TGM4: variants seen among roughly 807,000 people sequenced by gnomAD.
The protein encoded by TGM4 is transglutaminase 4.
In TGM4, 61 loss-of-function variants were observed where a neutral mutation model predicts 76.3. The observed-to-expected ratio is 0.80, with a 90% CI of 0.65 to 0.99. TGM4 has a LOEUF of 0.99. Among genes scored for constraint, TGM4 ranks in the 50% least tolerant of loss-of-function variants. The pLI is 0.00. For synonymous variants in TGM4, 337 were observed against 329.8 expected, an observed-to-expected ratio of 1.02 and a Z score of -0.24; for missense variants, 794 against 843.2, an observed-to-expected ratio of 0.94 and a Z score of 0.72.
At chr3:44,885,182 A>G (rs1699584963) in intron 1 of TGM4, 143 bp from the exon 2 acceptor site, 2 of 776,404 alleles carry the variant, frequency 2.6e-6, no homozygotes, top group Admixed American at 5.8e-5. Context: ...CAGATTCATA[A>G]CCAGCTGGAG....
chr3:44,893,878 T>A (rs891185306), intron 5 of TGM4, among the ~76,000 whole-genome samples, 183 bp downstream of exon 5: 3 of 150,126 alleles, frequency 2.0e-5, no homozygotes, highest in African/African-American at 7.4e-5. Context: ...TGGGGTGGAG[T>A]CCTGGGCAGA....
rs756522730 is a variant in TGM4, at chr3:44,887,692, C to T, written c.197C>T (p.Pro66Leu). Residue 66 changes from proline to leucine, a missense_variant, in exon 3 of 14, where the codon CCG becomes CTG. Physicochemically the swap from Pro to Leu is moderately conservative, Grantham distance 98. Coordinates refer to ENST00000296125, the MANE Select transcript of TGM4 (RefSeq NM_003241.4). ...HQLKLEFSTG[P>L]NPSIAKHTLV... Reference sequence around the variant, plus strand: ...GTTTTCCTTTGGGTGTCTCCAGGGCCGAATCCTAGCATCGCCAAACACACC... The same window carrying T: ...GTTTTCCTTTGGGTGTCTCCAGGGCTGAATCCTAGCATCGCCAAACACACC... The T allele has an allele frequency of 1.9e-5, 30 of 1,613,502 alleles. No individual in the cohort carries two copies. Among genetic ancestry groups the T allele is most frequent in the Admixed American group, 1.5e-4 (9 of 59,976 alleles).
intron 5 of TGM4, 49 bp downstream of exon 5, chr3:44,893,744 A>G (rs1575718525): frequency 6.6e-7 from 1 of 1,505,540 alleles, no homozygotes; most frequent in Admixed American, 1.7e-5. Flanking sequence ...CTGCTAGACC[A>G]CCCTTTTAGC....
chr3:44,906,968 A>C lies in TGM4; in HGVS notation c.1095A>C (p.Pro365=). The C allele has an allele frequency of 1.2e-6, 2 of 1,613,996 alleles. No homozygotes were observed. Among genetic ancestry groups the C allele is most frequent in the Non-Finnish European group, 1.7e-6 (2 of 1,179,994 alleles). Residue 365 remains proline, a synonymous_variant, in exon 10 of 14, where the codon CCA becomes CCC. Coordinates refer to ENST00000296125, the MANE Select transcript of TGM4 (RefSeq NM_003241.4). The stretch of plus-strand genomic sequence containing the variant: ...CCTCAGGTGTCTTCTGCTGTGGGCC[A>C]TCACCACTGACCGCCATCCGCAAAG... The part of the protein sequence containing the change: ...ERSQGVFCCG[P]SPLTAIRKGD...
intron 1 of TGM4, among the ~76,000 whole-genome samples, chr3:44,882,519 T>C (rs572095870): frequency 2.2e-4 from 34 of 152,332 alleles, no homozygotes; most frequent in African/African-American, 8.2e-4. Context: ...TGCAGAAGCC[T>C]CCAGTGGAGA....
chr3:44,877,290 A>G (rs950379587), intron 1 of TGM4, among the ~76,000 whole-genome samples: 22 of 152,288 alleles, frequency 1.4e-4, no homozygotes, highest in African/African-American at 4.6e-4. Context: ...CTACTAAAAA[A>G]TACAAAAATT....
Position 44,896,768 on chromosome 3 carries a change from C to G in TGM4, c.609C>G (p.Pro203=), listed in dbSNP as rs1699784152. ...ISLLTESSLK[P]TDRRDPVLVC... is the part of the protein sequence containing the mutation. ...TGCTGACTGAGAGCTCCCTCAAGCC[C>G]ACAGATAGGAGGGACCCCGTGCTGG... Residue 203 remains proline, a synonymous_variant, in exon 6 of 14, where the codon CCC becomes CCG. Coordinates refer to ENST00000296125, the MANE Select transcript of TGM4 (RefSeq NM_003241.4). 6.2e-7 allele frequency: 1 copy of G among 1,614,124 alleles called. No homozygotes were observed. The highest frequency in any genetic ancestry group is 8.5e-7 in the Non-Finnish European group (1 of 1,180,024).
chr3:44,913,917 C>A lies in TGM4; in HGVS notation c.*192C>A. 1.6e-6 allele frequency: 1 copy of A among 640,164 alleles called. No individual in the cohort carries two copies. The highest frequency in any genetic ancestry group is 2.5e-6 in the Non-Finnish European group (1 of 398,136). 39.7% of individuals were successfully genotyped at this position (640,164 alleles called of 1,614,324 possible). A position where few individuals can be genotyped will look rare whatever the true frequency, so the allele number is the denominator to read the frequency against. ...AGGTCCTGTGCTATCACAGGGTCACCTCTTTTACAGTTAGAAACACCAGCC... is the reference window on the plus strand; with the variant it reads ...AGGTCCTGTGCTATCACAGGGTCACATCTTTTACAGTTAGAAACACCAGCC... On this transcript the variant is annotated 3_prime_UTR_variant, in exon 14 of 14. Transcript: ENST00000296125.
chr3:44,914,416 C>T lies in TGM4; in HGVS notation c.*691C>T, dbSNP rs1700055245. ...CTCTTCCCTTATTCTAAAGCTGCCC[C>T]TTGGGAGACTCCAGGGAGAAGGCAT... is the stretch of plus-strand genomic sequence containing the variant. On this transcript the variant is annotated 3_prime_UTR_variant, in exon 14 of 14. Coordinates refer to ENST00000296125, the MANE Select transcript of TGM4 (RefSeq NM_003241.4). 6.6e-6 allele frequency: 1 copy of T among 152,216 alleles called. No homozygotes were observed. The highest frequency in any genetic ancestry group is 1.5e-5 in the Non-Finnish European group (1 of 68,106). The allele number at this position is 152,216 out of a possible 1,614,324, so 9.4% of individuals were successfully genotyped here. A position where few individuals can be genotyped will look rare whatever the true frequency, so the allele number is the denominator to read the frequency against.
Position 44,903,969 on chromosome 3 carries a change from C to T in TGM4, c.1057C>T (p.Pro353Ser), listed in dbSNP as rs17850130. ...YDGWQAVDAT[P>S]QERSQGVFCC... ...CGGCTGGCAGGCTGTGGACGCAACG[C>T]CGCAGGAGCGAAGCCAGGGTGAGTG... The change falls in exon 9 of 14, where the codon CCG (proline) becomes TCG (serine). Residue 353 changes from proline to serine, a missense_variant. Physicochemically the swap from Pro to Ser is moderately conservative, Grantham distance 74. Transcript: ENST00000296125. The T allele has an allele frequency of 3.7e-6, 6 of 1,614,030 alleles. No homozygotes were observed. The highest frequency in any genetic ancestry group is 1.7e-4 in the Middle Eastern group (1 of 6,060).
intron 8 of TGM4, 110 bp from the exon 9 acceptor site, chr3:44,903,774 A>C (rs1472112542): frequency 9.9e-7 from 1 of 1,013,054 alleles, no homozygotes; most frequent in Non-Finnish European, 1.6e-6. Flanking sequence ...CCCTGAGAAC[A>C]ACCTCAGTGG....
Position 44,913,872 on chromosome 3 carries a change from G to A in TGM4, c.*147G>A. Reference sequence around the variant, plus strand: ...GTCAAAAAGGCCAACACAACCATAAGCAGCCAGACCCACAAGGCCAGGTCC... The same window carrying A: ...GTCAAAAAGGCCAACACAACCATAAACAGCCAGACCCACAAGGCCAGGTCC... On this transcript the variant is annotated 3_prime_UTR_variant, in exon 14 of 14. Coordinates refer to ENST00000296125, the MANE Select transcript of TGM4 (RefSeq NM_003241.4). 5 of 1,135,636 alleles carry A rather than the reference G, an allele frequency of 4.4e-6. No homozygotes were observed. The highest frequency in any genetic ancestry group is 6.2e-6 in the Non-Finnish European group (5 of 807,722). 70.3% of individuals were successfully genotyped at this position (1,135,636 alleles called of 1,614,324 possible).
At chr3:44,906,888 G>T (rs1699928236) in intron 9 of TGM4, 61 bp from the exon 10 acceptor site, 1 of 1,588,882 alleles carries the variant, frequency 6.3e-7, no homozygotes, top group African/African-American at 1.3e-5. Flanking sequence ...GCTGCCACTG[G>T]GTCCAGGCTG....
At chr3:44,892,148 C>T (rs1167650581) in intron 4 of TGM4, among the ~76,000 whole-genome samples, 2 of 151,250 alleles carry the variant, frequency 1.3e-5, no homozygotes, top group Non-Finnish European at 3.0e-5. Context: ...ATCCCAGCTA[C>T]TTGGGAGGCT....
Position 44,885,322 on chromosome 3 carries a change from C to T in TGM4, c.20-3C>T. ...CTTTCCACATGTGCTGCGTTGCTGA[C>T]AGAGCTGCAAGTTCTCCACATTGAC... On this transcript the variant is annotated splice_polypyrimidine_tract_variant and splice_region_variant and intron_variant, in intron 1 of 13. Coordinates refer to ENST00000296125, the MANE Select transcript of TGM4 (RefSeq NM_003241.4). The T allele has an allele frequency of 6.2e-7, 1 of 1,602,334 alleles. No homozygotes were observed.
intron 12 of TGM4, 25 bp from the exon 13 acceptor site, chr3:44,911,245 A>G: frequency 6.2e-7 from 1 of 1,613,666 alleles, no homozygotes; most frequent in Non-Finnish European, 8.5e-7. Flanking sequence ...TTCTCTCCCC[A>G]TCTCTCCTCC....
chr3:44,890,528 C>A, intron 3 of TGM4, 75 bp from the exon 4 acceptor site: 2 of 1,573,452 alleles, frequency 1.3e-6, no homozygotes, highest in East Asian at 4.5e-5. Context: ...CTGACGGATT[C>A]TTCTGGGAAG....
At chr3:44,878,949 A>G (rs1384951296) in intron 1 of TGM4, among the ~76,000 whole-genome samples, 1 of 150,956 alleles carries the variant, frequency 6.6e-6, no homozygotes, top group Non-Finnish European at 1.5e-5. Context: ...TTCATCCAAG[A>G]CTCCGCGTCT....
intron 5 of TGM4, among the ~76,000 whole-genome samples, chr3:44,895,351 G>A (rs1699765775): frequency 6.6e-6 from 1 of 152,168 alleles, no homozygotes; most frequent in Non-Finnish European, 1.5e-5. Flanking sequence ...GAGTGACTGG[G>A]TATGGAGGCT....
Sources: gnomAD v4.1 joint callset for allele counts (sites outside exome capture counted in the v4.1 genomes callset) on GRCh38, gnomAD v4.1.1 for gene constraint, MANE v1.5 for transcripts, NCBI Gene and HGNC (gene_info 2026-07-23, HGNC 2026-07-21) for gene names.